Variants in PPM1D observed in about 807,000 individuals in gnomAD.
PPM1D encodes the protein protein phosphatase 1D.
Under a neutral mutation model 58.3 loss-of-function variants are expected in PPM1D, and 52 were observed. That is an observed-to-expected ratio of 0.89 (90% CI 0.71 to 1.12). The LOEUF (loss-of-function observed/expected upper bound fraction) is 1.12. PPM1D is among the 50% of genes most tolerant of loss of function. PPM1D has a pLI of 0.00. For missense variants in PPM1D, 564 were observed against 777.2 expected (o/e 0.73, Z 3.26); for synonymous variants, 278 against 285.1 (o/e 0.98, Z 0.25).
chr17:60,661,092 G>T (rs1307220431), intron 5 of PPM1D, among the ~76,000 whole-genome samples: 3 of 151,784 alleles, frequency 2.0e-5, no homozygotes, highest in African/African-American at 7.3e-5. Flanking sequence ...GGTGGCGCAT[G>T]CCTGTAGTCC....
At chr17:60,646,778 G>A (rs563288578) in intron 3 of PPM1D, among the ~76,000 whole-genome samples, 3 of 152,258 alleles carry the variant, frequency 2.0e-5, no homozygotes, top group African/African-American at 7.2e-5. Context: ...AGAAGTTTAG[G>A]CATTGTTTTT....
intron 4 of PPM1D, among the ~76,000 whole-genome samples, chr17:60,652,587 A>G (rs1183012155): frequency 9.3e-6 from 1 of 107,640 alleles, no homozygotes; most frequent in Non-Finnish European, 1.8e-5. Flanking sequence ...AGGAACCTTC[A>G]TACTGTTCTT....
chr17:60,658,429 A>T (rs1237766518), intron 5 of PPM1D, among the ~76,000 whole-genome samples: 1 of 151,702 alleles, frequency 6.6e-6, no homozygotes, highest in Non-Finnish European at 1.5e-5. Flanking sequence ...TGGGCAGATA[A>T]CCTGAGGTCA....
At chr17:60,635,947 C>G (rs1332679985) in intron 3 of PPM1D, among the ~76,000 whole-genome samples, 1 of 152,156 alleles carries the variant, frequency 6.6e-6, no homozygotes, top group Admixed American at 6.6e-5. Context: ...GGTTCTGGCT[C>G]AGGGTCTCTT....
intron 1 of PPM1D, chr17:60,604,893 A>C (rs1344709136): frequency 6.6e-6 from 1 of 152,218 alleles, no homozygotes; most frequent in Non-Finnish European, 1.5e-5. Flanking sequence ...ATTTCAGCTC[A>C]CTGCAACCTC....
At chr17:60,601,423 A>G (rs1307469453) in intron 1 of PPM1D, among the ~76,000 whole-genome samples, 1 of 152,212 alleles carries the variant, frequency 6.6e-6, no homozygotes, top group Non-Finnish European at 1.5e-5. Context: ...AAACGTAACC[A>G]TCCGGCAACT....
chr17:60,626,622 C>T (rs1226799775), intron 2 of PPM1D, among the ~76,000 whole-genome samples: 3 of 152,038 alleles, frequency 2.0e-5, no homozygotes, highest in Non-Finnish European at 2.9e-5. Context: ...TCTTGATCTC[C>T]TGACCTCATG....
In PPM1D at chr17:60,656,840, A is replaced by AG; in HGVS notation, c.1260+1dup. ...TCCCCATGTTCTACACCACCAGTCA[A>AG]GGTATATAGTTCCATAGTTTTTAAG... is the stretch of plus-strand genomic sequence containing the variant. On this transcript the variant is annotated frameshift_variant and splice_region_variant, in exon 5 of 6. Coordinates refer to ENST00000305921, the MANE Select transcript of PPM1D (RefSeq NM_003620.4). LOFTEE classifies it high-confidence loss of function. 1 of 1,614,066 alleles carries AG rather than the reference A, an allele frequency of 6.2e-7. No homozygotes were observed. The highest frequency in any genetic ancestry group is 8.5e-7 in the Non-Finnish European group (1 of 1,179,934).
chr17:60,603,626 G>A (rs1185432779), intron 1 of PPM1D, among the ~76,000 whole-genome samples: 3 of 152,188 alleles, frequency 2.0e-5, no homozygotes, highest in African/African-American at 7.2e-5. Flanking sequence ...AGCCGGGTGT[G>A]GTGGTGCATG....
intron 1 of PPM1D, among the ~76,000 whole-genome samples, chr17:60,616,230 G>T (rs994353774): frequency 4.0e-5 from 6 of 150,622 alleles, no homozygotes; most frequent in African/African-American, 1.5e-4. Context: ...GGAGGTTGCA[G>T]TGAGCTGAGA....
intron 5 of PPM1D, chr17:60,662,243 C>T (rs765749991): frequency 6.6e-5 from 10 of 152,056 alleles, no homozygotes; most frequent in South Asian, 4.1e-4. Flanking sequence ...ATGATCTGCC[C>T]GCCTCGACCT....
At chr17:60,634,296 TA>T (rs1421613515) in intron 3 of PPM1D, among the ~76,000 whole-genome samples, 1 of 152,058 alleles carries the variant, frequency 6.6e-6, no homozygotes, top group African/African-American at 2.4e-5. Flanking sequence ...GCTGTAGTCC[TA>T]GCTACTCAAG....
At chr17:60,624,440 C>G (rs1471058026) in intron 2 of PPM1D, among the ~76,000 whole-genome samples, 1 of 152,008 alleles carries the variant, frequency 6.6e-6, no homozygotes, top group Non-Finnish European at 1.5e-5. Flanking sequence ...CTCTTTTTTG[C>G]TTTTATTAAA....
chr17:60,614,830 C>G (rs973883470), intron 1 of PPM1D, among the ~76,000 whole-genome samples: 1 of 152,116 alleles, frequency 6.6e-6, no homozygotes, highest in African/African-American at 2.4e-5. Flanking sequence ...GACCACGAAC[C>G]CACCAGAAGG....
intron 3 of PPM1D, among the ~76,000 whole-genome samples, chr17:60,636,346 G>C (rs76931795): frequency 1.8e-3 from 281 of 152,230 alleles, no homozygotes; most frequent in African/African-American, 6.3e-3. Flanking sequence ...TTAAATACCT[G>C]CTATGTGCTA....
chr17:60,632,724 G>A (rs1470945557), intron 2 of PPM1D, among the ~76,000 whole-genome samples: 3 of 152,198 alleles, frequency 2.0e-5, no homozygotes, highest in Non-Finnish European at 4.4e-5. Context: ...GGTGGCCCAC[G>A]TGGTGGCTCC....
rs557268139 is a variant in PPM1D at position 60,639,926 on chromosome 17, A to T, written c.826+5949A>T. 4.3e-4 allele frequency among the ~76,000 whole-genome samples: 66 copies of T among 152,366 alleles called. No homozygotes were observed. The South Asian group carries it at 4.8e-3, about 11-fold the overall frequency. On this transcript the variant is annotated intron_variant, in intron 3 of 5. Coordinates refer to ENST00000305921, the MANE Select transcript of PPM1D (RefSeq NM_003620.4). Reference sequence around the variant, plus strand: ...TTCGGTGATAGGAAGAAGCATAGTGATATAGGAACTCTGATGAAGGGCAGT... The same window carrying T: ...TTCGGTGATAGGAAGAAGCATAGTGTTATAGGAACTCTGATGAAGGGCAGT...
At chr17:60,621,773 C>G (rs952735603) in intron 1 of PPM1D, among the ~76,000 whole-genome samples, 1 of 149,190 alleles carries the variant, frequency 6.7e-6, no homozygotes, top group Admixed American at 6.7e-5. Context: ...CGGGGTTTCA[C>G]CATAGTCAGG....
At chr17:60,600,985 C>A in intron 1 of PPM1D, 99 bp downstream of exon 1, 2 of 1,523,126 alleles carry the variant, frequency 1.3e-6, no homozygotes, top group South Asian at 1.2e-5. Flanking sequence ...CAGAGCGCAA[C>A]CAAAGTATAC....
Sources: allele counts gnomAD v4.1 joint callset (sites outside exome capture counted in the v4.1 genomes callset), GRCh38; gene constraint gnomAD v4.1.1; transcripts MANE v1.5; gene names NCBI Gene and HGNC (gene_info 2026-07-23, HGNC 2026-07-21).